The following NR5A2 variants were observed in gnomAD, a reference collection of about 807,000 sequenced individuals.
The protein encoded by NR5A2 is nuclear receptor subfamily 5 group A member 2.
A neutral mutation model predicts 62.7 loss-of-function variants in NR5A2; 26 were observed. That is an observed-to-expected ratio of 0.41 (90% CI 0.30 to 0.58). NR5A2 has a LOEUF of 0.58. Among genes scored for constraint, NR5A2 ranks in the 20% least tolerant of loss-of-function variants. The pLI is 0.22. For missense variants in NR5A2, 541 were observed against 669.1 expected (o/e 0.81, Z 2.11); for synonymous variants, 246 against 241.7 (o/e 1.02, Z -0.16).
chr1:200,035,425 T>C (rs1661732972), intron 1 of NR5A2, among the ~76,000 whole-genome samples: 2 of 152,012 alleles, frequency 1.3e-5, no homozygotes, highest in South Asian at 4.1e-4. Context: ...CTGATATTTT[T>C]TCCCGCTGCA....
At chr1:200,135,800 A>G (rs1159871990) in intron 7 of NR5A2, among the ~76,000 whole-genome samples, 1 of 152,246 alleles carries the variant, frequency 6.6e-6, no homozygotes, top group Non-Finnish European at 1.5e-5. Flanking sequence ...GGCACATAGT[A>G]TTAATAAGTG....
At chr1:200,094,695 A>G (rs1323839411) in intron 5 of NR5A2, among the ~76,000 whole-genome samples, 21 of 150,802 alleles carry the variant, frequency 1.4e-4, no homozygotes, top group African/African-American at 4.9e-4. Flanking sequence ...ACCACGCCTG[A>G]CTTATTTTTT....
At chr1:200,088,926 G>T (rs1664683161) in intron 5 of NR5A2, among the ~76,000 whole-genome samples, 1 of 152,084 alleles carries the variant, frequency 6.6e-6, no homozygotes. Context: ...TTCTGGCCCA[G>T]ACTTCTTGGT....
At position 200,059,567 on chromosome 1, in the gene NR5A2, A is replaced by G. The variant is rs144407048; in HGVS notation, c.1110+10749A>G. Among the ~76,000 whole-genome samples the G allele has an allele frequency of 3.3e-3, 499 of 152,264 alleles. 2 individuals are homozygous for G. Among genetic ancestry groups the G allele is most frequent in the African/African-American group, 0.011 (471 of 41,552 alleles). ...CAGTGTTGGGGAGGTAGAGCCCACT[A>G]AGCCTGAGCCCCCTGTTCCCTGTCT... On this transcript the variant is annotated intron_variant, in intron 5 of 7. Coordinates refer to ENST00000367362, the MANE Select transcript of NR5A2 (RefSeq NM_205860.3).
At chr1:200,050,103 C>G (rs571927638) in intron 5 of NR5A2, among the ~76,000 whole-genome samples, 32 of 152,272 alleles carry the variant, frequency 2.1e-4, no homozygotes, top group African/African-American at 7.2e-4. Flanking sequence ...AAAGGGCAAG[C>G]AGAATGCACT....
Position 200,155,171 on chromosome 1 carries a change from T to C in NR5A2, c.1379-18792T>C, listed in dbSNP as rs74717342. On this transcript the variant is annotated intron_variant, in intron 7 of 7. Transcript: ENST00000367362. ...AACCAATGCAGAAGTGGGATTAAGA[T>C]TGATAATCCTGAGATAGCATTAAAT... Among the ~76,000 whole-genome samples, 427 of 152,310 alleles carry C rather than the reference T, an allele frequency of 2.8e-3. 2 individuals carry two copies. Among genetic ancestry groups the C allele is most frequent in the African/African-American group, 4.5e-3 (186 of 41,584 alleles).
chr1:200,130,189 A>G (rs1666903843), intron 7 of NR5A2, among the ~76,000 whole-genome samples: 1 of 152,200 alleles, frequency 6.6e-6, no homozygotes, highest in Non-Finnish European at 1.5e-5. Context: ...GGGAAAAATG[A>G]ATCCCCATTT....
rs573501308 is a variant in NR5A2, at chr1:200,143,371, A to G, written c.1378+22416A>G. On this transcript the variant is annotated intron_variant, in intron 7 of 7. Coordinates refer to ENST00000367362, the MANE Select transcript of NR5A2 (RefSeq NM_205860.3). ...ATATTTTTGCCCTGCTACCTTGCCT[A>G]GTTCCACAGCTTACCAAATCTATAG... Among the ~76,000 whole-genome samples the G allele has an allele frequency of 2.0e-5, 3 of 152,098 alleles. No homozygotes were observed. In the East Asian group the frequency reaches 5.8e-4, roughly 29 times the overall value.
intron 5 of NR5A2, among the ~76,000 whole-genome samples, chr1:200,056,707 T>C (rs1337254883): frequency 2.0e-5 from 3 of 152,148 alleles, no homozygotes. Context: ...GGATATTTGG[T>C]AAGAGAGTAG....
chr1:200,065,398 C>T (rs1471970910), intron 5 of NR5A2, among the ~76,000 whole-genome samples: 1 of 152,182 alleles, frequency 6.6e-6, no homozygotes, highest in Non-Finnish European at 1.5e-5. Context: ...CCACCTCGGC[C>T]TCCCAAAATG....
At chr1:200,056,294 C>T (rs940465280) in intron 5 of NR5A2, among the ~76,000 whole-genome samples, 27 of 152,172 alleles carry the variant, frequency 1.8e-4, no homozygotes, top group African/African-American at 6.0e-4. Flanking sequence ...GTGGAACATG[C>T]CCACTTACTG....
rs1251735242 is a variant in NR5A2 at position 200,120,898 on chromosome 1, C to T, written c.1321C>T (p.Leu441Phe). 1.2e-6 allele frequency: 2 copies of T among 1,613,530 alleles called. No homozygotes were observed. Among genetic ancestry groups the T allele is most frequent in the Non-Finnish European group, 1.7e-6 (2 of 1,179,786 alleles). ...GGAGTTAGTGGCAAAACTTCGTTCT[C>T]TCCAGTTTGATCAACGAGAGTTCGT... is the stretch of plus-strand genomic sequence containing the variant. Reference protein sequence around the residue: ...AQELVAKLRSLQFDQREFVCL... With the variant: ...AQELVAKLRSFQFDQREFVCL... Residue 441 changes from leucine to phenylalanine, a missense_variant, in exon 7 of 8, where the codon CTC (leucine) becomes TTC (phenylalanine). Leu to Phe is a conservative substitution (Grantham distance 22). Coordinates refer to ENST00000367362, the MANE Select transcript of NR5A2 (RefSeq NM_205860.3).
In NR5A2 at chr1:200,048,350, A is replaced by G; in HGVS notation, c.642A>G (p.Gln214=). 2 of 1,614,150 alleles carry G rather than the reference A, an allele frequency of 1.2e-6. No individual in the cohort carries two copies. The highest frequency in any genetic ancestry group is 1.6e-4 in the Middle Eastern group (1 of 6,062). The change falls in exon 5 of 8, where the codon CAA becomes CAG. Residue 214 remains glutamine (Q), a synonymous_variant. Transcript: ENST00000367362. The surrounding 1 kb of genome is among the most constrained non-coding windows in gnomAD (Gnocchi z 4.8). ...PSDLTISSAI[Q]NIHSASKGLP... is the part of the protein sequence containing the mutation. ...ACCTGACCATTTCCTCTGCAATTCA[A>G]AACATCCACTCTGCCTCCAAAGGCC...
intron 7 of NR5A2, among the ~76,000 whole-genome samples, chr1:200,157,433 C>T (rs146514787): frequency 2.0e-5 from 3 of 152,170 alleles, no homozygotes; most frequent in South Asian, 2.1e-4. Flanking sequence ...ATAGCACTTA[C>T]GAAACCAATA....
intron 7 of NR5A2, among the ~76,000 whole-genome samples, chr1:200,137,820 A>G (rs750378453): frequency 6.6e-6 from 1 of 152,188 alleles, no homozygotes; most frequent in Non-Finnish European, 1.5e-5. Flanking sequence ...GTTACTTGCT[A>G]CAAGAAATTA....
chr1:200,043,628 C>A, intron 2 of NR5A2, 146 bp from the exon 3 acceptor site: 2 of 538,450 alleles, frequency 3.7e-6, no homozygotes, highest in Non-Finnish European at 6.5e-6. Flanking sequence ...AAAAATAGTT[C>A]AGTAAGACCT....
chr1:200,083,873 G>A (rs1664406179), intron 5 of NR5A2, among the ~76,000 whole-genome samples: 1 of 151,932 alleles, frequency 6.6e-6, no homozygotes, highest in South Asian at 2.1e-4. Context: ...GCTGAGGCAG[G>A]AGAATCGCTT....
At chr1:200,110,840 T>C (rs1173650587) in intron 5 of NR5A2, among the ~76,000 whole-genome samples, 1 of 152,242 alleles carries the variant, frequency 6.6e-6, no homozygotes, top group East Asian at 1.9e-4. Flanking sequence ...ATAGGCAATC[T>C]GGGGTCATTC....
chr1:200,123,805 G>A (rs1571516672), intron 7 of NR5A2, among the ~76,000 whole-genome samples: 1 of 143,420 alleles, frequency 7.0e-6, no homozygotes, highest in African/African-American at 2.6e-5. Flanking sequence ...TTTTAGAGGT[G>A]GTTTTTTTTT....
Sources: allele counts gnomAD v4.1 joint callset (sites outside exome capture counted in the v4.1 genomes callset), GRCh38; gene constraint gnomAD v4.1.1; non-coding constraint Gnocchi (gnomAD v3.1); transcripts MANE v1.5; gene names NCBI Gene and HGNC (gene_info 2026-07-23, HGNC 2026-07-21).